ENTPD1: variants seen among roughly 807,000 people sequenced by gnomAD.
ENTPD1 encodes ectonucleoside triphosphate diphosphohydrolase 1.
A neutral mutation model predicts 57.0 loss-of-function variants in ENTPD1; 33 were observed. The ratio of observed to expected loss-of-function variants is 0.58; its 90% CI spans 0.44 to 0.77. ENTPD1 has a LOEUF of 0.77. Among genes scored for constraint, ENTPD1 ranks in the 30% least tolerant of loss-of-function variants. The pLI is 0.00. For synonymous variants in ENTPD1, 202 were observed against 218.8 expected (o/e 0.92, Z 0.68); for missense variants, 501 against 603.4 (o/e 0.83, Z 1.78).
chr10:95,754,265 T>C (rs2098017044), upstream of ENTPD1: 1 of 130,768 alleles, frequency 7.6e-6, no homozygotes, highest in African/African-American at 3.0e-5. Flanking sequence ...CTGAGATGGC[T>C]CCATTGCACT....
intron 1 of ENTPD1, among the ~76,000 whole-genome samples, chr10:95,814,378 G>A (rs1022452542): frequency 2.0e-4 from 31 of 152,198 alleles, no homozygotes; most frequent in African/African-American, 7.2e-4. Context: ...CATACATAGA[G>A]CCTCTGTCAC....
At chr10:95,761,028 C>T (rs2098059112) in intron 1 of ENTPD1, among the ~76,000 whole-genome samples, 1 of 151,930 alleles carries the variant, frequency 6.6e-6, no homozygotes, top group Non-Finnish European at 1.5e-5. Flanking sequence ...GACGGGGTTT[C>T]ACTGTGTTAG....
intron 1 of ENTPD1, among the ~76,000 whole-genome samples, chr10:95,735,575 A>ATTAT (rs1182238296): frequency 5.1e-4 from 78 of 152,182 alleles, no homozygotes; most frequent in Admixed American, 1.2e-3. Flanking sequence ...ATTTAATACA[A>ATTAT]TTATTTATTT....
Position 95,871,921 on chromosome 10 carries a change from T to G in ENTPD1, c.*5538T>G. 1 of 985,436 alleles carries G rather than the reference T, an allele frequency of 1.0e-6. No homozygotes were observed. Among genetic ancestry groups the G allele is most frequent in the South Asian group, 4.7e-5 (1 of 21,286 alleles). The allele number at this position is 985,436 out of a possible 1,614,324, so 61.0% of individuals were successfully genotyped here. Reference sequence around the variant, plus strand: ...GGGAAGAAAAAGTCTTGGGAGCTAGTCAGGGAATAGTGTGTATTTGCAATT... The same window carrying G: ...GGGAAGAAAAAGTCTTGGGAGCTAGGCAGGGAATAGTGTGTATTTGCAATT... On this transcript the variant is annotated 3_prime_UTR_variant, in exon 10 of 10. Transcript: ENST00000371205.
At chr10:95,717,305 A>T (rs2097972645) in intron 1 of ENTPD1, among the ~76,000 whole-genome samples, 1 of 149,570 alleles carries the variant, frequency 6.7e-6, no homozygotes, top group Admixed American at 6.7e-5. Context: ...TATCTTACAC[A>T]CATTGTTCAT....
chr10:95,836,395 G>A (rs1263413141), intron 2 of ENTPD1, among the ~76,000 whole-genome samples: 1 of 151,784 alleles, frequency 6.6e-6, no homozygotes, highest in Non-Finnish European at 1.5e-5. Flanking sequence ...AGACTTGGAA[G>A]GAAATAAATA....
chr10:95,719,015 G>A (rs2097974593), intron 1 of ENTPD1, among the ~76,000 whole-genome samples: 1 of 152,224 alleles, frequency 6.6e-6, no homozygotes, highest in African/African-American at 2.4e-5. Context: ...TTGCCTGACA[G>A]CCACAAGTCT....
At chr10:95,719,173 A>G (rs757447410) in intron 1 of ENTPD1, among the ~76,000 whole-genome samples, 8 of 152,146 alleles carry the variant, frequency 5.3e-5, no homozygotes, top group African/African-American at 9.7e-5. Context: ...CACTACATCA[A>G]TTTCCTTACT....
chr10:95,804,135 G>A (rs184458624), intron 1 of ENTPD1, among the ~76,000 whole-genome samples: 22 of 152,250 alleles, frequency 1.4e-4, no homozygotes, highest in East Asian at 3.9e-4. Context: ...GTCAGGTAGC[G>A]TGATGCCTCC....
chr10:95,852,790 A>G (rs992356823), intron 7 of ENTPD1, among the ~76,000 whole-genome samples: 2 of 152,088 alleles, frequency 1.3e-5, no homozygotes, highest in African/African-American at 4.8e-5. Flanking sequence ...ATTGGTCTGT[A>G]TCTCTGTTTT....
chr10:95,849,366 A>G (rs1397891326), intron 7 of ENTPD1, among the ~76,000 whole-genome samples: 5 of 152,336 alleles, frequency 3.3e-5, no homozygotes, highest in Admixed American at 2.0e-4. Context: ...AAGATATTCA[A>G]AGAAACAAGG....
At chr10:95,755,831 T>C (rs3176892), upstream of ENTPD1, 63,466 of 1,511,276 alleles carry the variant, frequency 0.042, 1,540 homozygotes, top group Non-Finnish European at 0.048. Flanking sequence ...TGCTTGCAGC[T>C]GAGATGACTT....
At chr10:95,711,161 T>C (rs1046060303), upstream of ENTPD1, among the ~76,000 whole-genome samples, 1 of 152,164 alleles carries the variant, frequency 6.6e-6, no homozygotes, top group African/African-American at 2.4e-5. Context: ...ACTTTCTCTT[T>C]CTCCCAGCCT....
Position 95,876,516 on chromosome 10 carries a change from A to C in ENTPD1, c.*10133A>C. 1 of 1,231,160 alleles carries C rather than the reference A, an allele frequency of 8.1e-7. No homozygotes were observed. The highest frequency in any genetic ancestry group is 1.0e-6 in the Non-Finnish European group (1 of 987,762). 76.3% of individuals were successfully genotyped at this position (1,231,160 alleles called of 1,614,324 possible). Reference sequence around the variant, plus strand: ...CTGTATCTGTATCTCTTGGATTTTTACCTTTGCAATAGTCAACTGAACCAT... The same window carrying C: ...CTGTATCTGTATCTCTTGGATTTTTCCCTTTGCAATAGTCAACTGAACCAT... On this transcript the variant is annotated 3_prime_UTR_variant, in exon 10 of 10. Coordinates refer to ENST00000371205, the MANE Select transcript of ENTPD1 (RefSeq NM_001776.6).
chr10:95,812,855 TC>T (rs749293914), intron 1 of ENTPD1, among the ~76,000 whole-genome samples: 4 of 152,250 alleles, frequency 2.6e-5, no homozygotes, highest in Non-Finnish European at 5.9e-5. Context: ...ATTATTTTTT[TC>T]ATTTACATTT....
chr10:95,857,776 G>A (rs543359175), intron 7 of ENTPD1, among the ~76,000 whole-genome samples: 4 of 152,294 alleles, frequency 2.6e-5, no homozygotes, highest in African/African-American at 7.2e-5. Flanking sequence ...GGGAAATTCC[G>A]CGCCTGCCAT....
intron 7 of ENTPD1, among the ~76,000 whole-genome samples, chr10:95,856,210 G>GAT (rs1480039825): frequency 6.6e-6 from 1 of 151,906 alleles, no homozygotes; most frequent in East Asian, 1.9e-4. Flanking sequence ...CTTAAAAGAA[G>GAT]ATATACAAAT....
chr10:95,865,001 C>A, intron 9 of ENTPD1, 140 bp downstream of exon 9: 6 of 1,053,380 alleles, frequency 5.7e-6, no homozygotes, highest in Non-Finnish European at 6.8e-6. Flanking sequence ...GCTTCAAACC[C>A]TGGCATTCTG....
upstream of ENTPD1, among the ~76,000 whole-genome samples, chr10:95,752,665 C>CA (rs1232608158): frequency 2.7e-5 from 4 of 150,378 alleles, no homozygotes; most frequent in South Asian, 2.1e-4. Context: ...AACTCTGTCT[C>CA]AAAAAAAAAG....
Sources: gnomAD v4.1 joint callset for allele counts (sites outside exome capture counted in the v4.1 genomes callset) on GRCh38, gnomAD v4.1.1 for gene constraint, MANE v1.5 for transcripts, NCBI Gene and HGNC (gene_info 2026-07-23, HGNC 2026-07-21) for gene names.